Variants in MCU observed in about 807,000 individuals in gnomAD.
MCU encodes calcium uniporter protein, mitochondrial.
In MCU, 12 loss-of-function variants were observed where a neutral mutation model predicts 45.2. The ratio of observed to expected loss-of-function variants is 0.27; its 90% CI spans 0.17 to 0.43. The LOEUF is 0.43. MCU is among the 20% of genes least tolerant of loss of function. The pLI, the probability that MCU is intolerant of heterozygous loss-of-function variation, is 1.00. For synonymous variants in MCU, 160 were observed against 165.1 expected (o/e 0.97, Z 0.24); for missense variants, 324 against 436.7 (o/e 0.74, Z 2.30).
intron 1 of MCU, among the ~76,000 whole-genome samples, chr10:72,827,767 T>C (rs1356146031): frequency 6.6e-6 from 1 of 152,228 alleles, no homozygotes; most frequent in Non-Finnish European, 1.5e-5. Flanking sequence ...TTTATTGTTA[T>C]CATTGTTGCA....
In MCU at chr10:72,694,253, G is replaced by A. The variant is rs1842659597; in HGVS notation, c.150+1952G>A. On this transcript the variant is annotated intron_variant, in intron 1 of 7. Coordinates refer to ENST00000373053, the MANE Select transcript of MCU (RefSeq NM_138357.3). ...TCTACAATTCTTCTGAAGCCATCAT[G>A]TATACAGCTGTTTCCATAGGATAGT... is the stretch of plus-strand genomic sequence containing the variant. 5.3e-5 allele frequency among the ~76,000 whole-genome samples: 8 copies of A among 152,168 alleles called. No individual in the cohort carries two copies. The South Asian group carries it at 1.7e-3, about 32-fold the overall frequency.
chr10:72,842,255 C>T (rs1845059113), intron 2 of MCU, among the ~76,000 whole-genome samples: 1 of 152,194 alleles, frequency 6.6e-6, no homozygotes, highest in South Asian at 2.1e-4. Flanking sequence ...GTCAGTTTCT[C>T]TGTAGGCATA....
At chr10:72,850,737 C>CT (rs1845196030) in intron 2 of MCU, among the ~76,000 whole-genome samples, 1 of 152,116 alleles carries the variant, frequency 6.6e-6, no homozygotes, top group Non-Finnish European at 1.5e-5. Context: ...TGTTCTAGCT[C>CT]TAAGTATTCA....
intron 1 of MCU, among the ~76,000 whole-genome samples, chr10:72,767,245 T>C (rs1286596656): frequency 6.6e-6 from 1 of 152,152 alleles, no homozygotes; most frequent in Non-Finnish European, 1.5e-5. Context: ...AATAATTTCC[T>C]TTCTGCTGTC....
chr10:72,808,387 A>C (rs561365653), intron 1 of MCU, among the ~76,000 whole-genome samples: 1 of 152,358 alleles, frequency 6.6e-6, no homozygotes, highest in South Asian at 2.1e-4. Context: ...AATCCAAAGA[A>C]ATATTTCATA....
At chr10:72,726,925 C>T (rs1019542087) in intron 1 of MCU, among the ~76,000 whole-genome samples, 7 of 152,068 alleles carry the variant, frequency 4.6e-5, no homozygotes, top group African/African-American at 1.4e-4. Flanking sequence ...GACTGTGTTA[C>T]CTTAGTACAA....
At chr10:72,735,825 T>C (rs1263975176) in intron 1 of MCU, among the ~76,000 whole-genome samples, 1 of 152,186 alleles carries the variant, frequency 6.6e-6, no homozygotes, top group Non-Finnish European at 1.5e-5. Context: ...AGAATATCTT[T>C]GTGGATCTTC....
At chr10:72,767,200 AC>A (rs1244816087) in intron 1 of MCU, 13 of 151,894 alleles carry the variant, frequency 8.6e-5, no homozygotes, top group Non-Finnish European at 1.3e-4. Flanking sequence ...TTAATGGATT[AC>A]TTTGGTTTAA....
intron 1 of MCU, among the ~76,000 whole-genome samples, chr10:72,793,717 A>G (rs970325273): frequency 1.3e-5 from 2 of 151,988 alleles, no homozygotes; most frequent in Non-Finnish European, 2.9e-5. Flanking sequence ...ATATATCTAC[A>G]TGTGGTCTGT....
At chr10:72,884,222 A>T in intron 6 of MCU, 44 bp from the exon 7 acceptor site, 1 of 1,131,394 alleles carries the variant, frequency 8.8e-7, no homozygotes. Context: ...TTTTGTGAAG[A>T]TAGTATGCTA....
chr10:72,848,178 T>G (rs1032865438), intron 2 of MCU, among the ~76,000 whole-genome samples: 2 of 152,188 alleles, frequency 1.3e-5, no homozygotes, highest in African/African-American at 4.8e-5. Flanking sequence ...GTAAATGCAT[T>G]TTTTGACTTA....
chr10:72,868,638 G>A, intron 4 of MCU, 65 bp from the exon 5 acceptor site: 1 of 1,474,122 alleles, frequency 6.8e-7, no homozygotes, highest in Non-Finnish European at 9.4e-7. Flanking sequence ...TGCCTCATCT[G>A]ATAGTCCCAG....
intron 1 of MCU, among the ~76,000 whole-genome samples, chr10:72,820,200 C>T (rs1325880150): frequency 6.6e-6 from 1 of 152,114 alleles, no homozygotes; most frequent in Admixed American, 6.5e-5. Context: ...TTGTCATTAT[C>T]GTTTGCAAAC....
Position 72,887,378 on chromosome 10 carries a change from C to T in MCU, c.*1556C>T, listed in dbSNP as rs1845790987. 6.5e-6 allele frequency: 1 copy of T among 152,762 alleles called. No individual in the cohort carries two copies. The highest frequency in any genetic ancestry group is 1.5e-5 in the Non-Finnish European group (1 of 68,054). 9.5% of individuals were successfully genotyped at this position (152,762 alleles called of 1,614,324 possible). A position where few individuals can be genotyped will look rare whatever the true frequency, so the allele number is the denominator to read the frequency against. On this transcript the variant is annotated 3_prime_UTR_variant, in exon 8 of 8. Transcript: ENST00000373053. Reference sequence around the variant, plus strand: ...ATGAAAGGATGCATGTCTCCACTTCCTGACCCTCCGCCCACTTCCTTCTCC... The same window carrying T: ...ATGAAAGGATGCATGTCTCCACTTCTTGACCCTCCGCCCACTTCCTTCTCC...
chr10:72,793,217 T>C (rs1345161138), intron 1 of MCU, among the ~76,000 whole-genome samples: 1 of 152,016 alleles, frequency 6.6e-6, no homozygotes, highest in Non-Finnish European at 1.5e-5. Context: ...ACAATATAGC[T>C]AGGTACCTAG....
intron 2 of MCU, among the ~76,000 whole-genome samples, chr10:72,856,204 A>G (rs1332985957): frequency 1.3e-5 from 2 of 152,216 alleles, no homozygotes; most frequent in Admixed American, 6.5e-5. Context: ...AAAACCTAAT[A>G]TAATCTGTGG....
chr10:72,817,056 G>A (rs1844638831), intron 1 of MCU, among the ~76,000 whole-genome samples: 1 of 152,158 alleles, frequency 6.6e-6, no homozygotes, highest in South Asian at 2.1e-4. Flanking sequence ...TAATCCAGAA[G>A]CATTCAGGAG....
chr10:72,874,329 C>G (rs73288627), intron 6 of MCU, among the ~76,000 whole-genome samples: 2,988 of 152,228 alleles, frequency 0.02, 111 homozygotes, highest in African/African-American at 0.069. Context: ...GCATTACTTT[C>G]AGTTATTATT....
At chr10:72,694,416 T>G (rs1042153969) in intron 1 of MCU, among the ~76,000 whole-genome samples, 3 of 152,242 alleles carry the variant, frequency 2.0e-5, no homozygotes, top group African/African-American at 7.2e-5. Context: ...CTTATTGTGT[T>G]CTTTTCATTG....
Sources: gnomAD v4.1 joint callset for allele counts (sites outside exome capture counted in the v4.1 genomes callset) on GRCh38, gnomAD v4.1.1 for gene constraint, MANE v1.5 for transcripts, NCBI Gene and HGNC (gene_info 2026-07-23, HGNC 2026-07-21) for gene names.